KIRREL3: variants seen among roughly 807,000 people sequenced by gnomAD.
KIRREL3 encodes kirre like nephrin family adhesion molecule 3.
In KIRREL3, 36 loss-of-function variants were observed where a neutral mutation model predicts 89.7. That is an observed-to-expected ratio of 0.40 (90% CI 0.31 to 0.53). The LOEUF is 0.53. Among genes scored for constraint, KIRREL3 ranks in the 20% least tolerant of loss-of-function variants. KIRREL3 has a pLI of 0.49. For synonymous variants in KIRREL3, 445 were observed against 441.4 expected, an observed-to-expected ratio of 1.01 and a Z score of -0.10; for missense variants, 864 against 1,056.6, an observed-to-expected ratio of 0.82 and a Z score of 2.53.
Position 126,424,366 on chromosome 11 carries a change from T to A in KIRREL3, c.*214A>T. 2.1e-6 allele frequency: 1 copy of A among 466,942 alleles called. No individual in the cohort carries two copies. Among genetic ancestry groups the A allele is most frequent in the South Asian group, 2.0e-5 (1 of 49,012 alleles). 28.9% of individuals were successfully genotyped at this position (466,942 alleles called of 1,614,324 possible). On this transcript the variant is annotated 3_prime_UTR_variant, in exon 17 of 17. Coordinates refer to ENST00000525144, the MANE Select transcript of KIRREL3 (RefSeq NM_032531.4). Reference sequence around the variant, plus strand: ...AGCGCACTCAGCCGCAGCCTCTGTCTGTCTCCCCACCCGCCCACCTCTGGC... The same window carrying A: ...AGCGCACTCAGCCGCAGCCTCTGTCAGTCTCCCCACCCGCCCACCTCTGGC...
rs1023773145 is a variant in KIRREL3, at chr11:126,844,542, C to T, written c.55+155913G>A. ...GCCCAACTTAGGGCAGTTGGAGTCTCTCCTAAGACAGAAACCATTAAAGGC... is the reference window on the plus strand; with the variant it reads ...GCCCAACTTAGGGCAGTTGGAGTCTTTCCTAAGACAGAAACCATTAAAGGC... On this transcript the variant is annotated intron_variant, in intron 1 of 16. Coordinates refer to ENST00000525144, the MANE Select transcript of KIRREL3 (RefSeq NM_032531.4). This position sits in a 1 kb window ranked among gnomAD's most constrained non-coding sequence, Gnocchi z 4.8. 1.3e-5 allele frequency among the ~76,000 whole-genome samples: 2 copies of T among 152,034 alleles called. No individual in the cohort carries two copies. The highest frequency in any genetic ancestry group is 4.1e-4 in the South Asian group (2 of 4,820).
rs1955091940 is a variant in KIRREL3 at position 126,430,517 on chromosome 11, G to A, written c.1696+902C>T. Among the ~76,000 whole-genome samples, 1 of 152,184 alleles carries A rather than the reference G, an allele frequency of 6.6e-6. No individual in the cohort carries two copies. The highest frequency in any genetic ancestry group is 1.5e-5 in the Non-Finnish European group (1 of 68,034). Reference sequence around the variant, plus strand: ...TGTATGCTTCCCTATAATTTCCACTGAGACGGTGGTGATGGAGGTCCTGAG... The same window carrying A: ...TGTATGCTTCCCTATAATTTCCACTAAGACGGTGGTGATGGAGGTCCTGAG... On this transcript the variant is annotated intron_variant, in intron 14 of 16. Coordinates refer to ENST00000525144, the MANE Select transcript of KIRREL3 (RefSeq NM_032531.4). The surrounding 1 kb of genome is among the most constrained non-coding windows in gnomAD (Gnocchi z 6.6).
intron 1 of KIRREL3, among the ~76,000 whole-genome samples, chr11:126,869,358 C>A (rs909743918): frequency 6.6e-6 from 1 of 152,048 alleles, no homozygotes; most frequent in Non-Finnish European, 1.5e-5. Flanking sequence ...GGATAAGGAA[C>A]CGTTGCTGCC....
At chr11:126,979,374 A>T (rs1591416736) in intron 1 of KIRREL3, among the ~76,000 whole-genome samples, 1 of 152,360 alleles carries the variant, frequency 6.6e-6, no homozygotes, top group East Asian at 1.9e-4. Context: ...CCTTAAGAAC[A>T]ACATTACAAT....
Position 126,953,207 on chromosome 11 carries a change from A to C in KIRREL3, c.55+47248T>G, listed in dbSNP as rs543476686. Among the ~76,000 whole-genome samples the C allele has an allele frequency of 1.9e-4, 29 of 152,314 alleles. No homozygotes were observed. Among genetic ancestry groups the C allele is most frequent in the African/African-American group, 6.3e-4 (26 of 41,568 alleles). On this transcript the variant is annotated intron_variant, in intron 1 of 16. Coordinates refer to ENST00000525144, the MANE Select transcript of KIRREL3 (RefSeq NM_032531.4). The surrounding 1 kb of genome is among the most constrained non-coding windows in gnomAD (Gnocchi z 5.2). ...AGGGATATGGATGAAACTGGAAACC[A>C]TCATTCTCAGCAAACTAACACAGGA...
chr11:126,832,810 T>G (rs1259825093), intron 1 of KIRREL3, among the ~76,000 whole-genome samples: 1 of 152,214 alleles, frequency 6.6e-6, no homozygotes, highest in Non-Finnish European at 1.5e-5. Flanking sequence ...GCCTTTCTTG[T>G]GCTTCGATTC....
chr11:126,966,484 CATGG>C (rs1477114229), intron 1 of KIRREL3, among the ~76,000 whole-genome samples: 1 of 152,184 alleles, frequency 6.6e-6, no homozygotes, highest in Non-Finnish European at 1.5e-5. Context: ...TATTTTACAT[CATGG>C]TATCCTCCTA....
chr11:126,774,164 C>CTT (rs5795521), intron 1 of KIRREL3, among the ~76,000 whole-genome samples: 46 of 137,142 alleles, frequency 3.4e-4, no homozygotes, highest in African/African-American at 4.4e-4. Context: ...GAGAGTAAAG[C>CTT]TTTTTTTTTT....
chr11:126,460,005 T>C (rs1476489192), intron 6 of KIRREL3, among the ~76,000 whole-genome samples: 1 of 151,930 alleles, frequency 6.6e-6, no homozygotes, highest in African/African-American at 2.4e-5. Context: ...ACTGAGAAAA[T>C]GAGCAGGTTC....
At chr11:126,913,688 G>A (rs911638316) in intron 1 of KIRREL3, among the ~76,000 whole-genome samples, 9 of 152,210 alleles carry the variant, frequency 5.9e-5, no homozygotes, top group Non-Finnish European at 1.0e-4. Context: ...GTCAATTGGA[G>A]TCAGTTTCTC....
At chr11:126,469,674 C>T (rs973403415) in intron 5 of KIRREL3, among the ~76,000 whole-genome samples, 12 of 152,148 alleles carry the variant, frequency 7.9e-5, no homozygotes, top group East Asian at 1.9e-4. Context: ...AACCACTGGC[C>T]GTGGGGTGGA....
intron 1 of KIRREL3, among the ~76,000 whole-genome samples, chr11:126,720,784 G>T (rs1378212618): frequency 6.6e-6 from 1 of 152,210 alleles, no homozygotes; most frequent in Non-Finnish European, 1.5e-5. Context: ...CAGGGCACAT[G>T]CAAATGACGC....
At chr11:126,631,124 T>TATGTATTC (rs543668078) in intron 1 of KIRREL3, among the ~76,000 whole-genome samples, 10,020 of 106,570 alleles carry the variant, frequency 0.094, 390 homozygotes, top group East Asian at 0.28. Flanking sequence ...TGTATGTATG[T>TATGTATTC]ATTCATTCAT....
chr11:126,938,602 T>G (rs572638716), intron 1 of KIRREL3, among the ~76,000 whole-genome samples: 47 of 152,286 alleles, frequency 3.1e-4, no homozygotes, highest in African/African-American at 1.1e-3. Flanking sequence ...AAAAACATTA[T>G]GTATAGGAAA....
intron 1 of KIRREL3, among the ~76,000 whole-genome samples, chr11:126,675,933 G>A (rs923467681): frequency 2.6e-5 from 4 of 152,150 alleles, no homozygotes; most frequent in Admixed American, 6.5e-5. Flanking sequence ...TTGAATGAAC[G>A]TGTTGACTGA....
intron 1 of KIRREL3, among the ~76,000 whole-genome samples, chr11:126,968,357 G>C (rs746997752): frequency 8.5e-5 from 13 of 152,182 alleles, no homozygotes; most frequent in South Asian, 2.1e-4. Context: ...AAGAAAGAAA[G>C]GGGGAAGAAA....
rs554227537 is a variant in KIRREL3 at position 126,811,821 on chromosome 11, G to A, written c.55+188634C>T. ...AGGCTAGTCTCAAACTCCTGAACTCGGGTGATCCACCCGCCTTGGCCTCAT... is the reference window on the plus strand; with the variant it reads ...AGGCTAGTCTCAAACTCCTGAACTCAGGTGATCCACCCGCCTTGGCCTCAT... On this transcript the variant is annotated intron_variant, in intron 1 of 16. Transcript: ENST00000525144. The surrounding 1 kb of genome is among the most constrained non-coding windows in gnomAD (Gnocchi z 4.3). Among the ~76,000 whole-genome samples the A allele has an allele frequency of 2.0e-5, 3 of 152,182 alleles. No homozygotes were observed. In the East Asian group the frequency reaches 5.8e-4, roughly 29 times the overall value.
At position 126,668,656 on chromosome 11, in the gene KIRREL3, G is replaced by A. The variant is rs556208717; in HGVS notation, c.56-105744C>T. Reference sequence around the variant, plus strand: ...TTTCTCAGATAGCATGCCATTTGCTGTCTCAAATCTATAAAGAGCTGTTGG... The same window carrying A: ...TTTCTCAGATAGCATGCCATTTGCTATCTCAAATCTATAAAGAGCTGTTGG... On this transcript the variant is annotated intron_variant, in intron 1 of 16. Coordinates refer to ENST00000525144, the MANE Select transcript of KIRREL3 (RefSeq NM_032531.4). This position sits in a 1 kb window ranked among gnomAD's most constrained non-coding sequence, Gnocchi z 4.4. Among the ~76,000 whole-genome samples, 19 of 152,110 alleles carry A rather than the reference G, an allele frequency of 1.2e-4. 3 individuals are homozygous for A. Among genetic ancestry groups the A allele is most frequent in the African/African-American group, 4.3e-4 (18 of 41,496 alleles).
intron 1 of KIRREL3, among the ~76,000 whole-genome samples, chr11:126,718,856 G>A (rs532000185): frequency 9.7e-4 from 148 of 152,274 alleles, no homozygotes; most frequent in Admixed American, 2.4e-3. Context: ...GCCTCACTGA[G>A]TCTTTCTGCC....
Sources: gnomAD v4.1 joint callset for allele counts (sites outside exome capture counted in the v4.1 genomes callset) on GRCh38, gnomAD v4.1.1 for gene constraint, Gnocchi (gnomAD v3.1) non-coding constraint, MANE v1.5 for transcripts, NCBI Gene and HGNC (gene_info 2026-07-23, HGNC 2026-07-21) for gene names.